The following TBC1D31 variants were observed in gnomAD, a reference collection of about 807,000 sequenced individuals.
TBC1D31 encodes the protein TBC1 domain family member 31.
Under a neutral mutation model 132.9 loss-of-function variants are expected in TBC1D31, and 99 were observed. The ratio of observed to expected loss-of-function variants is 0.74; its 90% CI spans 0.63 to 0.88. The LOEUF is 0.88. TBC1D31 is among the 40% of genes least tolerant of loss of function. The probability of loss-of-function intolerance (pLI) is 0.00; values close to 1 mark genes in which losing one functional copy is unlikely to be tolerated. For missense variants in TBC1D31, 1,134 were observed against 1,256.6 expected, an observed-to-expected ratio of 0.90 and a Z score of 1.48; for synonymous variants, 385 against 419.4, an observed-to-expected ratio of 0.92 and a Z score of 1.00.
In TBC1D31 at chr8:123,072,728, G is replaced by T. The variant is rs777453804; in HGVS notation, c.-42G>T. 14 of 1,544,846 alleles carry T rather than the reference G, an allele frequency of 9.1e-6. No individual in the cohort carries two copies. In the East Asian group the frequency reaches 1.5e-4, roughly 16 times the overall value. On this transcript the variant is annotated 5_prime_UTR_variant, in exon 1 of 22. Transcript: ENST00000287380. ...GGGCCTGCCGGGAAGGCGCTGGGAC[G>T]GTTACCCAGCGGGCCGCCGGCGGTC...
intron 17 of TBC1D31, 130 bp from the exon 18 acceptor site, chr8:123,140,631 T>C: frequency 1.3e-6 from 1 of 793,322 alleles, no homozygotes; most frequent in African/African-American, 1.8e-5. Context: ...TCTCCAGTCG[T>C]TGAATTTTAC....
rs35198781 is a variant in TBC1D31, at chr8:123,127,261, A to ATTTTTTTTTTTTTTTTTT, written c.1884+583_1884+600dup. On this transcript the variant is annotated intron_variant, in intron 13 of 21. Transcript: ENST00000287380. ...TAATATTGGGGTTTGTGCTTTTTGC[A>ATTTTTTTTTTTTTTTTTT]TTTTTTTTTTTTTTTTTTTTTTTTT... Among the ~76,000 whole-genome samples, 4 of 69,916 alleles carry ATTTTTTTTTTTTTTTTTT rather than the reference A, an allele frequency of 5.7e-5. 1 individual carries two copies. Among genetic ancestry groups the ATTTTTTTTTTTTTTTTTT allele is most frequent in the Admixed American group, 2.1e-4 (1 of 4,850 alleles). 45.9% of individuals were successfully genotyped at this position (69,916 alleles called of 152,430 possible). A position where few individuals can be genotyped will look rare whatever the true frequency, so the allele number is the denominator to read the frequency against.
chr8:123,112,651 T>C (rs776772056), intron 10 of TBC1D31, among the ~76,000 whole-genome samples: 8 of 152,256 alleles, frequency 5.3e-5, no homozygotes, highest in Non-Finnish European at 1.2e-4. Context: ...TTCAATCTTC[T>C]GCTGTCACAA....
At chr8:123,078,785 T>C (rs1269634347) in intron 2 of TBC1D31, among the ~76,000 whole-genome samples, 1 of 152,214 alleles carries the variant, frequency 6.6e-6, no homozygotes, top group Non-Finnish European at 1.5e-5. Context: ...TATGAGTTCA[T>C]GTTGTAACCA....
chr8:123,124,902 A>G (rs1819882207), intron 11 of TBC1D31, among the ~76,000 whole-genome samples: 1 of 147,890 alleles, frequency 6.8e-6, no homozygotes, highest in East Asian at 2.0e-4. Context: ...GCGCCACTGC[A>G]CTCCAGCCTG....
intron 5 of TBC1D31, among the ~76,000 whole-genome samples, chr8:123,094,421 T>C (rs1289271277): frequency 1.3e-5 from 2 of 152,194 alleles, no homozygotes; most frequent in Non-Finnish European, 2.9e-5. Flanking sequence ...AAGCAAAACC[T>C]AAGCATATCA....
chr8:123,159,775 A>G, the TBC1D31 span, among the ~76,000 whole-genome samples: 16 of 136,916 alleles, frequency 1.2e-4, no homozygotes, highest in Non-Finnish European at 1.7e-4. Context: ...CTGGGCAACA[A>G]GAGCGAAACT....
downstream of TBC1D31, among the ~76,000 whole-genome samples, chr8:123,153,214 T>C (rs1351187715): frequency 6.6e-6 from 1 of 152,140 alleles, no homozygotes; most frequent in Non-Finnish European, 1.5e-5. Flanking sequence ...ATGGGAACTT[T>C]GGTAGACTAG....
rs1822636859 is a variant in TBC1D31, at chr8:123,150,130, T to C, written c.3067+2T>C. On this transcript the variant is annotated splice_donor_variant, in intron 21 of 21. Transcript: ENST00000287380. LOFTEE classifies it high-confidence loss of function. ...CTGAAATGGATCCCTCAACACAGAG[T>C]AAGTTGATAAGCAAGAAAATGTTAT... 1.2e-6 allele frequency: 2 copies of C among 1,600,898 alleles called. No individual in the cohort carries two copies. The highest frequency in any genetic ancestry group is 1.3e-5 in the African/African-American group (1 of 74,668).
chr8:123,099,089 T>C (rs1817106942), intron 6 of TBC1D31, among the ~76,000 whole-genome samples: 1 of 152,198 alleles, frequency 6.6e-6, no homozygotes, highest in Non-Finnish European at 1.5e-5. Flanking sequence ...GCTTAAACTT[T>C]TTTATTACAT....
At chr8:123,086,371 G>A (rs1815746283) in intron 4 of TBC1D31, among the ~76,000 whole-genome samples, 1 of 152,204 alleles carries the variant, frequency 6.6e-6, no homozygotes, top group African/African-American at 2.4e-5. Context: ...AGTAGGCAGT[G>A]TTTATTGCTC....
At chr8:123,116,590 A>G (rs1050482391) in intron 10 of TBC1D31, among the ~76,000 whole-genome samples, 1 of 152,174 alleles carries the variant, frequency 6.6e-6, no homozygotes, top group African/African-American at 2.4e-5. Context: ...ATACATGCAT[A>G]TATTGCCAAG....
intron 16 of TBC1D31, among the ~76,000 whole-genome samples, chr8:123,131,620 T>G (rs1316567497): frequency 6.6e-6 from 1 of 152,196 alleles, no homozygotes. Flanking sequence ...TCCTTTGCTA[T>G]TGGACATTTC....
At chr8:123,141,007 GT>G (rs916767637) in intron 18 of TBC1D31, 106 bp downstream of exon 18, 5 of 1,073,318 alleles carry the variant, frequency 4.7e-6, no homozygotes, top group African/African-American at 3.2e-5. Context: ...GAGTTAGTTT[GT>G]TTCTTTGCTT....
At chr8:123,111,009 A>G (rs897331536) in intron 10 of TBC1D31, among the ~76,000 whole-genome samples, 1 of 152,016 alleles carries the variant, frequency 6.6e-6, no homozygotes, top group Middle Eastern at 3.2e-3. Context: ...ATTTTATTTC[A>G]TAGTATTGTT....
In TBC1D31 at chr8:123,109,550, C is replaced by T. The variant is rs1563710629; in HGVS notation, c.1366C>T (p.His456Tyr). Residue 456 changes from histidine (H) to tyrosine (Y), a missense_variant, in exon 10 of 22, where the codon CAT (histidine) becomes TAT (tyrosine). By Grantham distance (83) the His-to-Tyr change is moderately conservative. Transcript: ENST00000287380. ...TAGTACCCTCATAGATAAGGGGACT[C>T]ATGTGGCATTTCTCAACCTTCAGAA... is the stretch of plus-strand genomic sequence containing the variant. ...AFSTLIDKGT[H>Y]VAFLNLQKKY... 1.9e-6 allele frequency: 3 copies of T among 1,613,710 alleles called. No individual in the cohort carries two copies. Among genetic ancestry groups the T allele is most frequent in the African/African-American group, 1.3e-5 (1 of 75,008 alleles).
Position 123,101,172 on chromosome 8 carries a change from T to C in TBC1D31, c.1032+165T>C, listed in dbSNP as rs934822577. 8 of 552,822 alleles carry C rather than the reference T, an allele frequency of 1.4e-5. No homozygotes were observed. In the African/African-American group the frequency reaches 1.5e-4, roughly 10 times the overall value. The allele number at this position is 552,822 out of a possible 1,614,324, so 34.2% of individuals were successfully genotyped here. A position where few individuals can be genotyped will look rare whatever the true frequency, so the allele number is the denominator to read the frequency against. On this transcript the variant is annotated intron_variant, in intron 7 of 21. Transcript: ENST00000287380. ...CCCAAAGCCACATCTCTGGCCTTGA[T>C]TTCTCACGTATGCTCCATTCTTAAA... is the stretch of plus-strand genomic sequence containing the variant.
intron 6 of TBC1D31, 67 bp from the exon 7 acceptor site, chr8:123,100,740 T>TA (rs1817319610): frequency 8.2e-7 from 1 of 1,220,342 alleles, no homozygotes; most frequent in Admixed American, 1.7e-5. Flanking sequence ...TAAAGACGTG[T>TA]ATATAGTAGG....
rs766267384 is a variant in TBC1D31 at position 123,130,319 on chromosome 8, G to A, written c.2392G>A (p.Glu798Lys). The change falls in exon 16 of 22, where the codon GAA becomes AAA. Residue 798 changes from glutamate to lysine, a missense_variant. Transcript: ENST00000287380. ...QEMELRRLDD[E>K]IGRKVYMRDR... ...AATGGAACTAAGAAGACTGGATGATGAAATTGGGAGAAAGGTTTATTATTC... is the reference window on the plus strand; with the variant it reads ...AATGGAACTAAGAAGACTGGATGATAAAATTGGGAGAAAGGTTTATTATTC... 1 of 1,610,736 alleles carries A rather than the reference G, an allele frequency of 6.2e-7. No homozygotes were observed. The highest frequency in any genetic ancestry group is 1.3e-5 in the African/African-American group (1 of 74,860).
Sources: gnomAD v4.1 joint callset for allele counts (sites outside exome capture counted in the v4.1 genomes callset) on GRCh38, gnomAD v4.1.1 for gene constraint, MANE v1.5 for transcripts, NCBI Gene and HGNC (gene_info 2026-07-23, HGNC 2026-07-21) for gene names.